Variants in AGMO observed in about 807,000 individuals in gnomAD.
The protein encoded by AGMO is glyceryl-ether monooxygenase.
Under a neutral mutation model 60.2 loss-of-function variants are expected in AGMO, and 75 were observed. That is an observed-to-expected ratio of 1.25 (90% confidence interval 1.03 to 1.51). AGMO has a LOEUF of 1.51. Among genes scored for constraint, AGMO ranks in the 40% most tolerant of loss-of-function variants. The pLI is 0.00. For missense variants in AGMO, 763 were observed against 525.5 expected (o/e 1.45, Z -4.42); for synonymous variants, 261 against 177.1 (o/e 1.47, Z -3.76).
chr7:15,553,890 C>T (rs1374071532), intron 2 of AGMO, among the ~76,000 whole-genome samples: 1 of 152,058 alleles, frequency 6.6e-6, no homozygotes, highest in Non-Finnish European at 1.5e-5. Context: ...TCAAGCCTTC[C>T]CCCCACCACA....
At chr7:15,465,333 G>A (rs1782252798) in intron 3 of AGMO, among the ~76,000 whole-genome samples, 1 of 150,726 alleles carries the variant, frequency 6.6e-6, no homozygotes, top group African/African-American at 2.4e-5. Flanking sequence ...TAGAGTGTGT[G>A]TGTGCGTGTG....
In AGMO at chr7:15,252,491, G is replaced by C. The variant is rs141934319; in HGVS notation, c.1264-51132C>G. Among the ~76,000 whole-genome samples the C allele has an allele frequency of 4.0e-3, 603 of 152,262 alleles. 1 individual carries two copies. Among genetic ancestry groups the C allele is most frequent in the African/African-American group, 0.012 (506 of 41,554 alleles). On this transcript the variant is annotated intron_variant, in intron 12 of 12. Transcript: ENST00000342526. The stretch of plus-strand genomic sequence containing the variant: ...TGGCTTTGAGGAAAGTGGCTATTTA[G>C]AAAATGCCTATGTGGAAAGCAGCTG...
At chr7:15,252,883 G>T (rs375655886) in intron 12 of AGMO, among the ~76,000 whole-genome samples, 9 of 152,140 alleles carry the variant, frequency 5.9e-5, no homozygotes, top group Middle Eastern at 3.2e-3. Context: ...AAGAGATCAT[G>T]ACATACAGAG....
chr7:15,190,668 AT>A, the AGMO span, among the ~76,000 whole-genome samples: 1 of 152,310 alleles, frequency 6.6e-6, no homozygotes, highest in Admixed American at 6.5e-5. Flanking sequence ...ATACTATGAA[AT>A]AAAACCTTAT....
the AGMO span, among the ~76,000 whole-genome samples, chr7:15,157,214 C>T: frequency 6.6e-6 from 1 of 152,126 alleles, no homozygotes; most frequent in South Asian, 2.1e-4. Context: ...TCCTTTGAAG[C>T]AGGCACTCTT....
the AGMO span, among the ~76,000 whole-genome samples, chr7:15,176,842 G>C: frequency 1.3e-5 from 2 of 151,906 alleles, no homozygotes; most frequent in African/African-American, 4.8e-5. Context: ...TGAAATCATA[G>C]GCTTCTGACA....
rs1418294035 is a variant in AGMO, at chr7:15,322,731, T to A, written c.1263+42783A>T. Among the ~76,000 whole-genome samples the A allele has an allele frequency of 1.2e-4, 15 of 126,868 alleles. 3 individuals are homozygous for A. The highest frequency in any genetic ancestry group is 2.2e-4 in the Non-Finnish European group (14 of 62,976). The allele number at this position is 126,868 out of a possible 152,430, so 83.2% of individuals were successfully genotyped here. A position where few individuals can be genotyped will look rare whatever the true frequency, so the allele number is the denominator to read the frequency against. ...ATATATATAAATATATAAATATATATATAAATATATAAATATATATAAATA... is the reference window on the plus strand; with the variant it reads ...ATATATATAAATATATAAATATATAAATAAATATATAAATATATATAAATA... On this transcript the variant is annotated intron_variant, in intron 12 of 12. Transcript: ENST00000342526.
chr7:15,345,574 A>T (rs1414398925), intron 12 of AGMO, among the ~76,000 whole-genome samples: 5 of 152,198 alleles, frequency 3.3e-5, no homozygotes, highest in Non-Finnish European at 1.5e-5. Context: ...GATCCTCCAG[A>T]TTCTTAAAGA....
chr7:15,532,223 T>C (rs1395249227), intron 3 of AGMO, among the ~76,000 whole-genome samples: 1 of 152,198 alleles, frequency 6.6e-6, no homozygotes, highest in Non-Finnish European at 1.5e-5. Context: ...GATTTATATA[T>C]GTCACCATGA....
At chr7:15,424,614 T>C (rs1781009010) in intron 4 of AGMO, among the ~76,000 whole-genome samples, 1 of 152,240 alleles carries the variant, frequency 6.6e-6, no homozygotes, top group African/African-American at 2.4e-5. Context: ...TCCTGACGCA[T>C]GCTAGCATTA....
intron 12 of AGMO, among the ~76,000 whole-genome samples, chr7:15,348,526 T>C: frequency 6.6e-6 from 1 of 152,106 alleles, no homozygotes; most frequent in East Asian, 1.9e-4. Context: ...GGAATATCCA[T>C]TATAATTATT....
chr7:15,190,074 CATATATATATATATATATATTTATATAT>C, the AGMO span, among the ~76,000 whole-genome samples: 4 of 3,660 alleles, frequency 1.1e-3, no homozygotes, highest in Admixed American at 4.2e-3. Context: ...TTTTAAGTGC[CATATATATATATATATATATTTATATAT>C]ATATATATAT....
chr7:15,253,847 C>A (rs1423931044), intron 12 of AGMO, among the ~76,000 whole-genome samples: 2 of 152,206 alleles, frequency 1.3e-5, no homozygotes, highest in East Asian at 3.9e-4. Flanking sequence ...TTCCCATCTC[C>A]TTCTCTCGTC....
At chr7:15,323,367 C>G (rs927490479) in intron 12 of AGMO, among the ~76,000 whole-genome samples, 6 of 151,950 alleles carry the variant, frequency 3.9e-5, no homozygotes, top group African/African-American at 1.5e-4. Context: ...TGGAAGAAGT[C>G]AGACAAAGAA....
chr7:15,525,124 A>AG (rs1784091143), intron 3 of AGMO, among the ~76,000 whole-genome samples: 1 of 152,130 alleles, frequency 6.6e-6, no homozygotes, highest in Admixed American at 6.6e-5. Flanking sequence ...GTTCAGGCAC[A>AG]GCAACTGAGA....
the AGMO span, among the ~76,000 whole-genome samples, chr7:15,165,684 T>C: frequency 6.6e-6 from 1 of 152,314 alleles, no homozygotes; most frequent in East Asian, 1.9e-4. Flanking sequence ...TTTTCCATTA[T>C]GTTACTTAAA....
chr7:15,123,504 T>C, the AGMO span, among the ~76,000 whole-genome samples: 1 of 152,036 alleles, frequency 6.6e-6, no homozygotes, highest in Non-Finnish European at 1.5e-5. Context: ...GAATCATGAA[T>C]GAATACTTAT....
At chr7:15,342,036 G>C (rs768224760) in intron 12 of AGMO, among the ~76,000 whole-genome samples, 9 of 151,806 alleles carry the variant, frequency 5.9e-5, no homozygotes, top group African/African-American at 2.2e-4. Context: ...TCTGTATCTC[G>C]CCATGAATGC....
intron 3 of AGMO, among the ~76,000 whole-genome samples, chr7:15,538,192 G>A (rs1026248393): frequency 6.6e-6 from 1 of 152,030 alleles, no homozygotes; most frequent in Non-Finnish European, 1.5e-5. Flanking sequence ...ACAAGGTGGA[G>A]TTTACCCTAA....
Sources: gnomAD v4.1 joint callset for allele counts (sites outside exome capture counted in the v4.1 genomes callset) on GRCh38, gnomAD v4.1.1 for gene constraint, MANE v1.5 for transcripts, NCBI Gene and HGNC (gene_info 2026-07-23, HGNC 2026-07-21) for gene names.